The following GRM7 variants were observed in gnomAD, a reference collection of about 807,000 sequenced individuals.
GRM7 encodes glutamate metabotropic receptor 7.
Under a neutral mutation model 84.5 loss-of-function variants are expected in GRM7, and 35 were observed. That is an observed-to-expected ratio of 0.41 (90% CI 0.32 to 0.55). The LOEUF (loss-of-function observed/expected upper bound fraction) is 0.55. GRM7 is among the 20% of genes least tolerant of loss of function. The pLI, the probability that GRM7 is intolerant of heterozygous loss-of-function variation, is 0.19. For missense variants in GRM7, 1,003 were observed against 1,194.6 expected, an observed-to-expected ratio of 0.84 and a Z score of 2.36; for synonymous variants, 487 against 455.1, an observed-to-expected ratio of 1.07 and a Z score of -0.89.
intron 7 of GRM7, among the ~76,000 whole-genome samples, chr3:7,488,477 T>C (rs934783817): frequency 1.3e-5 from 2 of 152,208 alleles, no homozygotes; most frequent in African/African-American, 4.8e-5. Context: ...ATTAACAGTC[T>C]CACAGGAGTG....
intron 2 of GRM7, among the ~76,000 whole-genome samples, chr3:7,288,273 A>T (rs901167916): frequency 4.0e-5 from 6 of 150,606 alleles, no homozygotes; most frequent in African/African-American, 1.2e-4. Flanking sequence ...AAGGAGTTAA[A>T]TTTTTTTTTT....
In GRM7 at chr3:7,740,518, C is replaced by A; in HGVS notation, c.*112C>A. On this transcript the variant is annotated 3_prime_UTR_variant, in exon 10 of 10. Transcript: ENST00000357716. ...GCTTCCCATCACCGGAGGAGCTTCC[C>A]CGGCCGGGAGACCAGTGTTAGAGGA... is the stretch of plus-strand genomic sequence containing the variant. The A allele has an allele frequency of 1.7e-6, 1 of 591,784 alleles. No individual in the cohort carries two copies. The highest frequency in any genetic ancestry group is 3.2e-5 in the East Asian group (1 of 30,960). The allele number at this position is 591,784 out of a possible 1,614,324, so 36.7% of individuals were successfully genotyped here.
chr3:7,306,419 CT>C, intron 3 of GRM7, 78 bp from the exon 4 acceptor site: 1 of 1,266,100 alleles, frequency 7.9e-7, no homozygotes. Context: ...AGTACCTTTC[CT>C]TTTGCTGACT....
At position 6,861,142 on chromosome 3, in the gene GRM7, A is replaced by G; in HGVS notation, c.-247A>G. Reference sequence around the variant, plus strand: ...TGCTGGGCTGTTGGAGAGAGCGAGCAGCAAGCCGGTGAGCGCGAGCGCGGC... The same window carrying G: ...TGCTGGGCTGTTGGAGAGAGCGAGCGGCAAGCCGGTGAGCGCGAGCGCGGC... On this transcript the variant is annotated 5_prime_UTR_variant, in exon 1 of 10. Coordinates refer to ENST00000357716, the MANE Select transcript of GRM7 (RefSeq NM_000844.4). The surrounding 1 kb of genome is among the most constrained non-coding windows in gnomAD (Gnocchi z 6.4). The G allele has an allele frequency of 2.4e-6, 1 of 421,218 alleles. No homozygotes were observed. The highest frequency in any genetic ancestry group is 4.1e-6 in the Non-Finnish European group (1 of 240,976). 26.1% of individuals were successfully genotyped at this position (421,218 alleles called of 1,614,324 possible).
chr3:7,266,120 A>G (rs184495155), intron 2 of GRM7, among the ~76,000 whole-genome samples: 140 of 152,310 alleles, frequency 9.2e-4, no homozygotes, highest in African/African-American at 3.2e-3. Context: ...AAAACCTCTG[A>G]TATTTCTCAC....
At chr3:7,517,927 T>C (rs1700452756) in intron 7 of GRM7, among the ~76,000 whole-genome samples, 2 of 152,222 alleles carry the variant, frequency 1.3e-5, no homozygotes, top group African/African-American at 4.8e-5. Context: ...CTCAGGACCT[T>C]TACATCTAAT....
chr3:7,332,519 A>G (rs1418473446), intron 4 of GRM7, among the ~76,000 whole-genome samples: 8 of 152,320 alleles, frequency 5.3e-5, no homozygotes, highest in Non-Finnish European at 1.2e-4. Flanking sequence ...TCTGGTTTAT[A>G]TATGAATGAA....
intron 1 of GRM7, among the ~76,000 whole-genome samples, chr3:7,134,079 A>G (rs1467955569): frequency 6.6e-6 from 1 of 152,200 alleles, no homozygotes; most frequent in Non-Finnish European, 1.5e-5. Flanking sequence ...CAGACAAAAT[A>G]GCAATGTATA....
chr3:7,369,010 G>T (rs2125114990), intron 4 of GRM7, among the ~76,000 whole-genome samples: 1 of 151,578 alleles, frequency 6.6e-6, no homozygotes, highest in Non-Finnish European at 1.5e-5. Flanking sequence ...AGTTGTTGTT[G>T]CTGTCACACT....
intron 7 of GRM7, among the ~76,000 whole-genome samples, chr3:7,526,088 G>A (rs149556630): frequency 0.011 from 1,660 of 152,224 alleles, 19 homozygotes; most frequent in African/African-American, 0.034. Context: ...TGGGTTGAAT[G>A]GTAATTCTAT....
At chr3:7,714,184 G>C (rs1575662510) in intron 9 of GRM7, among the ~76,000 whole-genome samples, 1 of 152,050 alleles carries the variant, frequency 6.6e-6, no homozygotes, top group Non-Finnish European at 1.5e-5. Context: ...TTAACCTGAA[G>C]GCTTTATTAA....
rs570244895 is a variant in GRM7, at chr3:7,740,636, T to A, written c.*230T>A. ...ATCAGCACTGCCAACTCGGCTGCAA[T>A]TGTGGACCTTCCCTACCAAAGGGAG... On this transcript the variant is annotated 3_prime_UTR_variant, in exon 10 of 10. Transcript: ENST00000357716. The A allele has an allele frequency of 2.2e-4, 85 of 388,886 alleles. No individual in the cohort carries two copies. The highest frequency in any genetic ancestry group is 1.6e-3 in the African/African-American group (75 of 47,956). 24.1% of individuals were successfully genotyped at this position (388,886 alleles called of 1,614,324 possible). A position where few individuals can be genotyped will look rare whatever the true frequency, so the allele number is the denominator to read the frequency against.
At chr3:7,564,269 C>A (rs1694158234) in intron 7 of GRM7, among the ~76,000 whole-genome samples, 1 of 152,164 alleles carries the variant, frequency 6.6e-6, no homozygotes, top group Non-Finnish European at 1.5e-5. Context: ...AGACAACATG[C>A]TTCCATACAT....
intron 4 of GRM7, among the ~76,000 whole-genome samples, chr3:7,362,341 T>TACACAC (rs35321936): frequency 6.1e-5 from 9 of 147,906 alleles, no homozygotes; most frequent in East Asian, 5.9e-4. Flanking sequence ...TTTTAAAGAA[T>TACACAC]ACACACACAC....
intron 5 of GRM7, among the ~76,000 whole-genome samples, chr3:7,417,677 G>A (rs1696224466): frequency 6.6e-6 from 1 of 152,090 alleles, no homozygotes; most frequent in Non-Finnish European, 1.5e-5. Flanking sequence ...CCTTCACAGA[G>A]CTCTCTCTGT....
chr3:7,291,910 C>T (rs1347145517), intron 2 of GRM7, among the ~76,000 whole-genome samples: 1 of 152,090 alleles, frequency 6.6e-6, no homozygotes, highest in Admixed American at 6.5e-5. Context: ...GGCAGTTCCC[C>T]CATACTGTTC....
rs566999157 is a variant in GRM7 at position 7,606,357 on chromosome 3, C to T, written c.2451+27000C>T. ...TAGGTGTAACAGATGTCCTGAAAGC[C>T]TTATGGTTTTTTATACATTAAAAAT... On this transcript the variant is annotated intron_variant, in intron 8 of 9. Transcript: ENST00000357716. Among the ~76,000 whole-genome samples the T allele has an allele frequency of 4.6e-5, 7 of 151,998 alleles. No homozygotes were observed. The South Asian group carries it at 1.2e-3, about 27-fold the overall frequency.
At chr3:7,245,811 A>G (rs542233985) in intron 2 of GRM7, among the ~76,000 whole-genome samples, 1 of 152,234 alleles carries the variant, frequency 6.6e-6, no homozygotes, top group African/African-American at 2.4e-5. Flanking sequence ...TACTATTTAA[A>G]TTATAATTGA....
At chr3:7,044,075 C>T (rs1026608262) in intron 1 of GRM7, among the ~76,000 whole-genome samples, 2 of 152,198 alleles carry the variant, frequency 1.3e-5, no homozygotes, top group Non-Finnish European at 2.9e-5. Flanking sequence ...TATCACATCA[C>T]CTTATTTTAG....
Sources: allele counts gnomAD v4.1 joint callset (sites outside exome capture counted in the v4.1 genomes callset), GRCh38; gene constraint gnomAD v4.1.1; non-coding constraint Gnocchi (gnomAD v3.1); transcripts MANE v1.5; gene names NCBI Gene and HGNC (gene_info 2026-07-23, HGNC 2026-07-21).